The following GALNT2 variants were observed in gnomAD, a reference collection of about 807,000 sequenced individuals.
GALNT2 encodes UDP-GalNAc:polypeptide N-acetylgalactosaminyltransferase 2.
Under a neutral mutation model 81.4 loss-of-function variants are expected in GALNT2, and 31 were observed. The observed-to-expected ratio is 0.38, with a 90% confidence interval of 0.29 to 0.51. The LOEUF is 0.51. Ranked by LOEUF, GALNT2 falls within the 20% of genes least tolerant of loss-of-function variation. GALNT2 has a pLI of 0.87. For synonymous variants in GALNT2, 303 were observed against 287.4 expected (o/e 1.05, Z -0.55); for missense variants, 629 against 765.7 (o/e 0.82, Z 2.11).
intron 1 of GALNT2, among the ~76,000 whole-genome samples, chr1:230,090,950 A>C (rs1660053574): frequency 6.6e-6 from 1 of 152,216 alleles, no homozygotes; most frequent in Admixed American, 6.5e-5. Flanking sequence ...GTTTACATGC[A>C]TCAGAATTGT....
rs546764747 is a variant in GALNT2, at chr1:230,104,504, A to T, written c.126+37098A>T. Reference sequence around the variant, plus strand: ...AAGCCGTGCCTTGTTGGATGCACCGAGTCATAAAATAAATGTGATGTGCTG... The same window carrying T: ...AAGCCGTGCCTTGTTGGATGCACCGTGTCATAAAATAAATGTGATGTGCTG... On this transcript the variant is annotated intron_variant, in intron 1 of 15. Coordinates refer to ENST00000366672, the MANE Select transcript of GALNT2 (RefSeq NM_004481.5). Among the ~76,000 whole-genome samples, 3 of 152,292 alleles carry T rather than the reference A, an allele frequency of 2.0e-5. No individual in the cohort carries two copies. The South Asian group carries it at 6.2e-4, about 32-fold the overall frequency.
At chr1:230,240,504 C>T (rs778812670) in intron 6 of GALNT2, among the ~76,000 whole-genome samples, 18 of 152,134 alleles carry the variant, frequency 1.2e-4, no homozygotes, top group Admixed American at 2.0e-4. Flanking sequence ...AGGCAGAAGA[C>T]TCGCTTGAAC....
chr1:230,203,402 G>C lies in GALNT2; in HGVS notation c.374+112G>C, dbSNP rs991026094. ...TCCATTACTCTGGGAAATTGAATGT[G>C]TGTTGTAAAACTAGGAAAAATCCTG... is the stretch of plus-strand genomic sequence containing the variant. On this transcript the variant is annotated intron_variant, in intron 3 of 15. Coordinates refer to ENST00000366672, the MANE Select transcript of GALNT2 (RefSeq NM_004481.5). 1.5e-5 allele frequency: 20 copies of C among 1,290,902 alleles called. No individual in the cohort carries two copies. In the African/African-American group the frequency reaches 2.1e-4, roughly 13 times the overall value. 80.0% of individuals were successfully genotyped at this position (1,290,902 alleles called of 1,614,324 possible).
chr1:230,215,705 G>A (rs1462794612), intron 3 of GALNT2, among the ~76,000 whole-genome samples: 1 of 152,204 alleles, frequency 6.6e-6, no homozygotes, highest in Admixed American at 6.5e-5. Flanking sequence ...TTAGCTCCCA[G>A]ACTGAGGTTA....
chr1:230,196,194 C>A (rs1019800521), intron 2 of GALNT2, among the ~76,000 whole-genome samples: 8 of 152,228 alleles, frequency 5.3e-5, no homozygotes, highest in African/African-American at 1.9e-4. Flanking sequence ...CCGTCCCTCC[C>A]TACTGGGTCT....
Position 230,067,425 on chromosome 1 carries a change from C to G in GALNT2, c.126+19C>G, listed in dbSNP as rs1228313781. The G allele has an allele frequency of 1.5e-5, 16 of 1,091,588 alleles. No homozygotes were observed. Among genetic ancestry groups the G allele is most frequent in the African/African-American group, 5.0e-5 (3 of 60,054 alleles). 67.6% of individuals were successfully genotyped at this position (1,091,588 alleles called of 1,614,324 possible). On this transcript the variant is annotated intron_variant, in intron 1 of 15. Coordinates refer to ENST00000366672, the MANE Select transcript of GALNT2 (RefSeq NM_004481.5). ...CAGGAAGGTGAGTGGAGCGCCCTGC[C>G]GCGGCCGGGCCCCTGCGCCCACCCC...
intron 1 of GALNT2, among the ~76,000 whole-genome samples, chr1:230,058,924 G>A (rs1658980499): frequency 6.6e-6 from 1 of 152,278 alleles, no homozygotes; most frequent in African/African-American, 2.4e-5. Flanking sequence ...GCCTGGGCAA[G>A]CTCTTCCATA....
intron 1 of GALNT2, among the ~76,000 whole-genome samples, chr1:230,077,594 G>A (rs942765568): frequency 8.5e-5 from 13 of 152,166 alleles, no homozygotes; most frequent in African/African-American, 1.2e-4. Context: ...TAGATACAAA[G>A]GAAAATACAA....
At chr1:230,160,023 C>T (rs987532411) in intron 1 of GALNT2, among the ~76,000 whole-genome samples, 1 of 152,122 alleles carries the variant, frequency 6.6e-6, no homozygotes, top group African/African-American at 2.4e-5. Context: ...GTGCTTCCCT[C>T]CTCCCCACTC....
chr1:230,116,706 G>A (rs1660859646), intron 1 of GALNT2, among the ~76,000 whole-genome samples: 1 of 152,152 alleles, frequency 6.6e-6, no homozygotes, highest in Admixed American at 6.5e-5. Context: ...TTTGACAGGA[G>A]TATATATTTT....
intron 1 of GALNT2, among the ~76,000 whole-genome samples, chr1:230,111,100 T>C (rs1215363388): frequency 1.3e-5 from 2 of 152,270 alleles, no homozygotes; most frequent in African/African-American, 2.4e-5. Flanking sequence ...TCTGCATTTA[T>C]GTACATATGG....
At chr1:230,132,937 C>T (rs1661414433) in intron 1 of GALNT2, among the ~76,000 whole-genome samples, 1 of 152,172 alleles carries the variant, frequency 6.6e-6, no homozygotes, top group Admixed American at 6.5e-5. Context: ...TACAGCCTAG[C>T]ATAAGGAAGC....
At chr1:230,136,024 T>C (rs1661527117) in intron 1 of GALNT2, among the ~76,000 whole-genome samples, 1 of 152,078 alleles carries the variant, frequency 6.6e-6, no homozygotes, top group Non-Finnish European at 1.5e-5. Flanking sequence ...TAGTTTTCTC[T>C]TCTGTAAAGT....
At chr1:230,261,438 C>T (rs1160132303) in intron 11 of GALNT2, among the ~76,000 whole-genome samples, 1 of 152,196 alleles carries the variant, frequency 6.6e-6, no homozygotes, top group Non-Finnish European at 1.5e-5. Flanking sequence ...TGGAAGAACA[C>T]AGTGCCTTCC....
chr1:230,243,460 T>A lies in GALNT2; in HGVS notation c.729+33T>A. ...GACGGGGGCTGGGAGGGGTGTCAGG[T>A]CGTGGGTGGTTGGTAGAGGGGACAG... On this transcript the variant is annotated intron_variant, in intron 7 of 15. Transcript: ENST00000366672. This position sits in a 1 kb window ranked among gnomAD's most constrained non-coding sequence, Gnocchi z 4.2. 6.2e-7 allele frequency: 1 copy of A among 1,603,938 alleles called. No homozygotes were observed. The highest frequency in any genetic ancestry group is 8.5e-7 in the Non-Finnish European group (1 of 1,178,634).
intron 1 of GALNT2, among the ~76,000 whole-genome samples, chr1:230,089,000 A>G (rs749581083): frequency 6.6e-6 from 1 of 152,048 alleles, no homozygotes; most frequent in Non-Finnish European, 1.5e-5. Context: ...TGACTCAAGC[A>G]CTGTGTGTCC....
At chr1:230,082,226 G>A (rs888639721) in intron 1 of GALNT2, among the ~76,000 whole-genome samples, 1 of 152,232 alleles carries the variant, frequency 6.6e-6, no homozygotes. Context: ...CTGTTTCTTT[G>A]TGTAAGGTGA....
At chr1:230,127,899 A>T (rs1400055021) in intron 1 of GALNT2, among the ~76,000 whole-genome samples, 6 of 151,208 alleles carry the variant, frequency 4.0e-5, no homozygotes, top group African/African-American at 1.2e-4. Context: ...CCAAGACGGA[A>T]CCTCCCCTCA....
chr1:230,093,511 C>T (rs945677791), intron 1 of GALNT2, among the ~76,000 whole-genome samples: 7 of 152,296 alleles, frequency 4.6e-5, no homozygotes, highest in African/African-American at 1.4e-4. Flanking sequence ...GGGCTGTGTT[C>T]CCTGGGCTTC....
Sources: allele counts gnomAD v4.1 joint callset (sites outside exome capture counted in the v4.1 genomes callset), GRCh38; gene constraint gnomAD v4.1.1; non-coding constraint Gnocchi (gnomAD v3.1); transcripts MANE v1.5; gene names NCBI Gene and HGNC (gene_info 2026-07-23, HGNC 2026-07-21).